Variants in ARB2A observed in about 807,000 individuals in gnomAD.
The protein encoded by ARB2A is ARB2 cotranscriptional regulator A.
chr5:94,039,551 G>A, the ARB2A span, among the ~76,000 whole-genome samples: 1 of 152,182 alleles, frequency 6.6e-6, no homozygotes, highest in Non-Finnish European at 1.5e-5. Context: ...ATATCATCAA[G>A]AAATAACCAT....
the ARB2A span, among the ~76,000 whole-genome samples, chr5:94,063,585 T>G: frequency 3.3e-5 from 5 of 151,922 alleles, 1 homozygote; most frequent in African/African-American, 1.2e-4. Context: ...CCAACACCAG[T>G]GCCAGCATAT....
At chr5:93,854,647 A>T in the ARB2A span, among the ~76,000 whole-genome samples, 4 of 152,228 alleles carry the variant, frequency 2.6e-5, no homozygotes, top group South Asian at 2.1e-4. Context: ...GAGATTCTGG[A>T]ATGTTGTGTC....
chr5:93,723,390 G>T, the ARB2A span, among the ~76,000 whole-genome samples: 2 of 152,076 alleles, frequency 1.3e-5, no homozygotes, highest in Non-Finnish European at 2.9e-5. Context: ...GTAGAGAAAG[G>T]TTATCTCTAA....
chr5:93,724,038 T>C, the ARB2A span, among the ~76,000 whole-genome samples: 1 of 152,076 alleles, frequency 6.6e-6, no homozygotes, highest in African/African-American at 2.4e-5. Context: ...GTTCTTAATA[T>C]CAGACTGTTT....
chr5:93,724,903 A>G, the ARB2A span, among the ~76,000 whole-genome samples: 1 of 152,062 alleles, frequency 6.6e-6, no homozygotes, highest in Non-Finnish European at 1.5e-5. Flanking sequence ...GATTATGTGA[A>G]CACAAACACT....
At chr5:93,907,621 C>A in the ARB2A span, among the ~76,000 whole-genome samples, 3 of 151,356 alleles carry the variant, frequency 2.0e-5, no homozygotes, top group African/African-American at 7.3e-5. Flanking sequence ...AAAATACTGT[C>A]ATTTATACCA....
the ARB2A span, among the ~76,000 whole-genome samples, chr5:94,067,009 A>G: frequency 7.2e-5 from 11 of 152,178 alleles, no homozygotes; most frequent in African/African-American, 2.7e-4. Context: ...AGTAGGATTT[A>G]CCTAGAAATG....
chr5:94,075,621 C>G, the ARB2A span, among the ~76,000 whole-genome samples: 1 of 152,038 alleles, frequency 6.6e-6, no homozygotes, highest in Non-Finnish European at 1.5e-5. Context: ...ACATTCATGA[C>G]AATATAACAA....
chr5:93,653,383 G>A, the ARB2A span, among the ~76,000 whole-genome samples: 1 of 150,688 alleles, frequency 6.6e-6, no homozygotes, highest in Admixed American at 6.6e-5. Flanking sequence ...GTGGTAGCGG[G>A]CGCCTGTAGT....
At chr5:94,004,932 C>T in the ARB2A span, among the ~76,000 whole-genome samples, 1 of 146,208 alleles carries the variant, frequency 6.8e-6, no homozygotes, top group Non-Finnish European at 1.5e-5. Context: ...AGGTCTATCA[C>T]CACCTTCTTG....
At chr5:93,655,569 A>G in the ARB2A span, among the ~76,000 whole-genome samples, 2 of 152,144 alleles carry the variant, frequency 1.3e-5, no homozygotes, top group Non-Finnish European at 2.9e-5. Context: ...GGCTTAGAGA[A>G]GTTTCACCTT....
At chr5:93,925,759 A>G in the ARB2A span, among the ~76,000 whole-genome samples, 1 of 152,196 alleles carries the variant, frequency 6.6e-6, no homozygotes, top group Non-Finnish European at 1.5e-5. Context: ...AGCTCAACAT[A>G]TCTTACCACC....
the ARB2A span, among the ~76,000 whole-genome samples, chr5:93,875,911 A>AGT: frequency 2.0e-5 from 3 of 152,268 alleles, no homozygotes; most frequent in Non-Finnish European, 2.9e-5. Context: ...GGGGAAAAGC[A>AGT]GTGTATCTGT....
chr5:93,822,443 C>T, the ARB2A span, among the ~76,000 whole-genome samples: 4 of 152,108 alleles, frequency 2.6e-5, no homozygotes, highest in Non-Finnish European at 4.4e-5. Context: ...TAAAGGTTTT[C>T]GTAAACTGTC....
the ARB2A span, chr5:93,621,076 A>T: frequency 6.2e-7 from 1 of 1,612,074 alleles, no homozygotes; most frequent in Non-Finnish European, 8.5e-7. Flanking sequence ...TCGGTAAAGA[A>T]TTTGAAAATA....
At chr5:94,107,758 T>C in the ARB2A span, among the ~76,000 whole-genome samples, 1 of 152,174 alleles carries the variant, frequency 6.6e-6, no homozygotes, top group Non-Finnish European at 1.5e-5. Context: ...CTGTATACAG[T>C]GCACACCTTC....
At chr5:93,738,488 T>G in the ARB2A span, 3 of 152,208 alleles carry the variant, frequency 2.0e-5, no homozygotes, top group Non-Finnish European at 4.4e-5. Context: ...ACAAATAGAT[T>G]ATTATATGTA....
chr5:94,071,777 G>A, the ARB2A span, among the ~76,000 whole-genome samples: 1 of 152,000 alleles, frequency 6.6e-6, no homozygotes, highest in Non-Finnish European at 1.5e-5. Context: ...AATGTAAAAT[G>A]GTACAGCCAC....
chr5:93,775,692 T>G, the ARB2A span, among the ~76,000 whole-genome samples: 1 of 152,202 alleles, frequency 6.6e-6, no homozygotes, highest in African/African-American at 2.4e-5. Flanking sequence ...ATCTTGCATG[T>G]TTTCCCACAG....
Sources: allele counts gnomAD v4.1 joint callset (sites outside exome capture counted in the v4.1 genomes callset), GRCh38; gene constraint gnomAD v4.1.1; transcripts MANE v1.5; gene names NCBI Gene and HGNC (gene_info 2026-07-23, HGNC 2026-07-21).